The following C8orf89 variants were observed in gnomAD, a reference collection of about 807,000 sequenced individuals.
C8orf89 encodes the protein putative uncharacterized protein C8orf89.
C8orf89 carries 14 observed loss-of-function variants against 15.8 expected under a neutral mutation model. That is an observed-to-expected ratio of 0.89 (90% CI 0.59 to 1.39). The LOEUF is 1.39. Among genes scored for constraint, C8orf89 ranks in the 40% most tolerant of loss-of-function variants. C8orf89 has a pLI of 0.00. For synonymous variants in C8orf89, 55 were observed against 62.2 expected (o/e 0.88, Z 0.54); for missense variants, 181 against 184.5 (o/e 0.98, Z 0.11).
At chr8:73,255,895 TG>T in intron 2 of C8orf89, among the ~76,000 whole-genome samples, 1 of 143,806 alleles carries the variant, frequency 7.0e-6, no homozygotes, top group Admixed American at 7.3e-5. Context: ...CACTCATAGG[TG>T]GGAATTGAAC....
intron 3 of C8orf89, 127 bp from the exon 4 acceptor site, chr8:73,241,732 C>T (rs1813011204): frequency 1.3e-6 from 1 of 741,994 alleles, no homozygotes. Flanking sequence ...AGTTCTTATA[C>T]TACAGAGCTA....
Position 73,259,444 on chromosome 8 carries a change from A to G in C8orf89, c.15T>C (p.Ser5=). Residue 5 remains serine, a synonymous_variant, in exon 1 of 4, where the codon TCT becomes TCC. Coordinates refer to ENST00000624510, the MANE Select transcript of C8orf89 (RefSeq NM_001243237.3). The stretch of plus-strand genomic sequence containing the variant: ...TAGAAGTCTCACATTTGATTTCAGG[A>G]GATAGCACTGACATTTTTTCTTCTT... MSVL[S]PEIKCETSKF... The G allele has an allele frequency of 6.5e-7, 1 of 1,530,286 alleles. No individual in the cohort carries two copies. Among genetic ancestry groups the G allele is most frequent in the Non-Finnish European group, 8.7e-7 (1 of 1,144,814 alleles). The allele number at this position is 1,530,286 out of a possible 1,614,324, so 94.8% of individuals were successfully genotyped here.
intron 1 of C8orf89, among the ~76,000 whole-genome samples, chr8:73,258,348 C>G (rs894570202): frequency 1.4e-5 from 2 of 141,926 alleles, no homozygotes; most frequent in East Asian, 2.1e-4. Context: ...GAGGCAGAGG[C>G]TGCAGTGAGC....
chr8:73,281,579 A>G, the C8orf89 span, among the ~76,000 whole-genome samples: 1 of 152,202 alleles, frequency 6.6e-6, no homozygotes, highest in African/African-American at 2.4e-5. Flanking sequence ...TTCAAATTCT[A>G]TGGCACAACA....
At chr8:73,285,457 T>G in the C8orf89 span, among the ~76,000 whole-genome samples, 1 of 152,200 alleles carries the variant, frequency 6.6e-6, no homozygotes, top group African/African-American at 2.4e-5. Context: ...GTGACCCACG[T>G]GCCTCTCTGA....
At chr8:73,252,605 C>A (rs1305732657) in intron 2 of C8orf89, among the ~76,000 whole-genome samples, 2 of 151,834 alleles carry the variant, frequency 1.3e-5, no homozygotes, top group East Asian at 3.9e-4. Flanking sequence ...TAACCTGTTC[C>A]AGCTCTCTAT....
upstream of C8orf89, among the ~76,000 whole-genome samples, chr8:73,262,523 T>G (rs571737171): frequency 2.0e-5 from 3 of 152,222 alleles, no homozygotes; most frequent in South Asian, 6.2e-4. Context: ...AAAATTTTTT[T>G]AAGTAACAGC....
chr8:73,265,451 C>T, the C8orf89 span, among the ~76,000 whole-genome samples: 1 of 152,178 alleles, frequency 6.6e-6, no homozygotes. Flanking sequence ...ACATAAAGGA[C>T]ACTGTGGAAC....
At chr8:73,244,259 A>G (rs13248977) in intron 3 of C8orf89, among the ~76,000 whole-genome samples, 11,112 of 152,262 alleles carry the variant, frequency 0.073, 418 homozygotes, top group Middle Eastern at 0.095. Flanking sequence ...AGTACTTTAC[A>G]TCTATTTTAT....
chr8:73,282,983 A>G, the C8orf89 span, among the ~76,000 whole-genome samples: 1 of 152,218 alleles, frequency 6.6e-6, no homozygotes, highest in East Asian at 1.9e-4. Flanking sequence ...TCCAATGGAG[A>G]TATATAATCT....
chr8:73,255,371 C>G (rs1227706829), intron 2 of C8orf89, among the ~76,000 whole-genome samples: 1 of 151,566 alleles, frequency 6.6e-6, no homozygotes, highest in Non-Finnish European at 1.5e-5. Context: ...TGAAAAAATG[C>G]TCACCATCAC....
chr8:73,242,870 C>T (rs191099030), intron 3 of C8orf89, among the ~76,000 whole-genome samples: 1 of 152,290 alleles, frequency 6.6e-6, no homozygotes, highest in Admixed American at 6.5e-5. Flanking sequence ...TTTACTGCAG[C>T]ACTGTTCACA....
chr8:73,285,475 T>C, the C8orf89 span, among the ~76,000 whole-genome samples: 1 of 152,198 alleles, frequency 6.6e-6, no homozygotes, highest in Non-Finnish European at 1.5e-5. Flanking sequence ...TGAGCCTTAG[T>C]GTCCCCTTCG....
chr8:73,285,838 CCA>C, the C8orf89 span, among the ~76,000 whole-genome samples: 1 of 152,194 alleles, frequency 6.6e-6, no homozygotes, highest in Admixed American at 6.5e-5. Flanking sequence ...CCGCGAGCTC[CCA>C]CATTCACCAC....
At chr8:73,253,065 C>A (rs973223722) in intron 2 of C8orf89, among the ~76,000 whole-genome samples, 23 of 152,326 alleles carry the variant, frequency 1.5e-4, no homozygotes, top group African/African-American at 5.5e-4. Context: ...ATTGCTTGAA[C>A]CCGGGAGGCG....
upstream of C8orf89, among the ~76,000 whole-genome samples, chr8:73,261,958 A>G (rs527351313): frequency 2.6e-5 from 4 of 152,304 alleles, no homozygotes; most frequent in African/African-American, 9.6e-5. Flanking sequence ...CCAAGCAACA[A>G]AGAAAGAAGA....
At chr8:73,243,995 T>C (rs561166748) in intron 3 of C8orf89, among the ~76,000 whole-genome samples, 6 of 152,312 alleles carry the variant, frequency 3.9e-5, no homozygotes, top group African/African-American at 1.4e-4. Context: ...TACAATACTT[T>C]TTAAAACATG....
intron 3 of C8orf89, among the ~76,000 whole-genome samples, chr8:73,242,926 T>G (rs908503588): frequency 6.6e-6 from 1 of 152,184 alleles, no homozygotes; most frequent in Non-Finnish European, 1.5e-5. Flanking sequence ...AACAGATGAA[T>G]GGATGAAGAA....
At chr8:73,248,109 T>C (rs1813165738) in intron 3 of C8orf89, among the ~76,000 whole-genome samples, 1 of 152,120 alleles carries the variant, frequency 6.6e-6, no homozygotes, top group Non-Finnish European at 1.5e-5. Flanking sequence ...CTTGAGTTGA[T>C]TTTTGTATAT....
Sources: gnomAD v4.1 joint callset for allele counts (sites outside exome capture counted in the v4.1 genomes callset) on GRCh38, gnomAD v4.1.1 for gene constraint, MANE v1.5 for transcripts, NCBI Gene and HGNC (gene_info 2026-07-23, HGNC 2026-07-21) for gene names.